KDM5A: variants seen among roughly 807,000 people sequenced by gnomAD.
KDM5A encodes lysine demethylase 5A.
In KDM5A, 42 loss-of-function variants were observed where a neutral mutation model predicts 193.5. The observed-to-expected ratio is 0.22, with a 90% CI of 0.17 to 0.28. KDM5A has a LOEUF of 0.28. KDM5A is among the 10% of genes least tolerant of loss of function. The pLI is 1.00. For missense variants in KDM5A, 1,692 were observed against 2,055.1 expected (o/e 0.82, Z 3.42); for synonymous variants, 796 against 718.1 (o/e 1.11, Z -1.73).
chr12:311,815 C>T (rs1165466924), intron 20 of KDM5A, among the ~76,000 whole-genome samples: 5 of 152,274 alleles, frequency 3.3e-5, no homozygotes, highest in Non-Finnish European at 5.9e-5. Flanking sequence ...AGGCGGATCA[C>T]CTGAGGTGAG....
At chr12:327,613 G>A (rs1480151102) in intron 14 of KDM5A, among the ~76,000 whole-genome samples, 2 of 152,188 alleles carry the variant, frequency 1.3e-5, no homozygotes, top group Non-Finnish European at 2.9e-5. Context: ...GTAGGCTAAG[G>A]CAGGAGAATC....
chr12:353,703 A>T (rs549260446), intron 8 of KDM5A, among the ~76,000 whole-genome samples: 97 of 152,268 alleles, frequency 6.4e-4, no homozygotes, highest in Non-Finnish European at 5.6e-4. Flanking sequence ...CAGGCAGATT[A>T]CGAGGTCAAG....
At chr12:349,616 C>G (rs1400876491) in intron 10 of KDM5A, among the ~76,000 whole-genome samples, 1 of 151,992 alleles carries the variant, frequency 6.6e-6, no homozygotes, top group Admixed American at 6.5e-5. Context: ...GCGTGAGCCA[C>G]CACGCCCATC....
chr12:386,035 A>T (rs1944633954), intron 1 of KDM5A, 61 bp from the exon 2 acceptor site: 1 of 1,328,776 alleles, frequency 7.5e-7, no homozygotes, highest in East Asian at 2.3e-5. Flanking sequence ...TGCATTAATT[A>T]TTCCCTTAAA....
At position 280,835 on chromosome 12, in the gene KDM5A, C is replaced by A. The variant is rs1290878320; in HGVS notation, c.*4621G>T. 1.3e-5 allele frequency: 3 copies of A among 232,802 alleles called. No homozygotes were observed. The East Asian group carries it at 1.8e-4, about 14-fold the overall frequency. 14.4% of individuals were successfully genotyped at this position (232,802 alleles called of 1,614,324 possible). On this transcript the variant is annotated 3_prime_UTR_variant, in exon 28 of 28. Transcript: ENST00000399788. ...AAATCTTCAGGAATCACTTCACACT[C>A]CAAAAACACTATTCTCAGCAATGAT...
At chr12:376,011 A>T (rs1944499078) in intron 3 of KDM5A, among the ~76,000 whole-genome samples, 1 of 152,204 alleles carries the variant, frequency 6.6e-6, no homozygotes, top group Non-Finnish European at 1.5e-5. Flanking sequence ...CCTCCCAGTT[A>T]GGCTACTTGG....
chr12:318,435 A>G lies in KDM5A; in HGVS notation c.2568T>C (p.Phe856=). The G allele has an allele frequency of 6.8e-6, 11 of 1,613,740 alleles. No individual in the cohort carries two copies. The highest frequency in any genetic ancestry group is 6.6e-5 in the South Asian group (6 of 91,068). Residue 856 remains phenylalanine (F), a synonymous_variant, in exon 19 of 28, where the codon TTT becomes TTC. Transcript: ENST00000399788. ...TCATGGCCTCCTGAGCACGTTCATG[A>G]AACTCTTCCACATCATCTAGCAGAT... is the stretch of plus-strand genomic sequence containing the variant. The part of the protein sequence containing the change: ...VKNLLDDVEE[F]HERAQEAMMD...
At chr12:373,340 A>G (rs1172482536) in intron 3 of KDM5A, among the ~76,000 whole-genome samples, 2 of 152,124 alleles carry the variant, frequency 1.3e-5, no homozygotes, top group Non-Finnish European at 2.9e-5. Context: ...TGTCTCCAGG[A>G]ATTTATCCAT....
intron 2 of KDM5A, 122 bp from the exon 3 acceptor site, chr12:384,275 C>T: frequency 2.6e-6 from 2 of 767,800 alleles, no homozygotes; most frequent in East Asian, 2.6e-5. Flanking sequence ...AGGAACCCAG[C>T]CACACAGCAG....
intron 3 of KDM5A, among the ~76,000 whole-genome samples, chr12:376,625 T>C (rs7977462): frequency 0.77 from 117,836 of 152,154 alleles, 45,757 homozygotes; most frequent in East Asian, 0.84. Context: ...GAGATGAACC[T>C]GGTACCTCAG....
intron 27 of KDM5A, among the ~76,000 whole-genome samples, chr12:289,739 A>C (rs1354918578): frequency 6.9e-6 from 1 of 144,758 alleles, no homozygotes; most frequent in East Asian, 2.0e-4. Context: ...AAAAAAATTT[A>C]ATCTGCATAT....
At chr12:326,583 C>T (rs1247212974) in intron 14 of KDM5A, among the ~76,000 whole-genome samples, 5 of 152,270 alleles carry the variant, frequency 3.3e-5, no homozygotes, top group East Asian at 3.9e-4. Context: ...GGATTTTGGC[C>T]GGGCACGGCG....
intron 10 of KDM5A, among the ~76,000 whole-genome samples, chr12:335,412 A>G (rs1397918541): frequency 6.6e-6 from 1 of 152,194 alleles, no homozygotes; most frequent in Non-Finnish European, 1.5e-5. Flanking sequence ...TTTTTCACTT[A>G]CATTTTTGCA....
chr12:310,044 T>A, intron 21 of KDM5A, 80 bp from the exon 22 acceptor site: 1 of 1,469,000 alleles, frequency 6.8e-7, no homozygotes, highest in Non-Finnish European at 9.4e-7. Flanking sequence ...AACCATTTGT[T>A]GACTGTTCAA....
chr12:295,405 G>A (rs1943357914), intron 26 of KDM5A, among the ~76,000 whole-genome samples, 168 bp downstream of exon 26: 3 of 152,072 alleles, frequency 2.0e-5, no homozygotes, highest in African/African-American at 4.8e-5. Context: ...GAGGCAGGGA[G>A]GCAGGCAAGC....
chr12:364,452 G>C (rs972748297), intron 4 of KDM5A, among the ~76,000 whole-genome samples: 4 of 150,742 alleles, frequency 2.7e-5, no homozygotes, highest in Admixed American at 1.3e-4. Context: ...ACTCCAGCCT[G>C]GGCGACACAG....
intron 5 of KDM5A, among the ~76,000 whole-genome samples, chr12:358,116 TAAGTTCTAATACTTGA>T (rs1390896963): frequency 4.9e-4 from 74 of 152,340 alleles, no homozygotes; most frequent in Admixed American, 1.9e-3. Flanking sequence ...GTTTAATGTT[TAAGTTCTAATACTTGA>T]AAGTGAGAGC....
At chr12:310,571 C>G (rs996042080) in intron 21 of KDM5A, among the ~76,000 whole-genome samples, 11 of 152,118 alleles carry the variant, frequency 7.2e-5, no homozygotes, top group Admixed American at 5.9e-4. Context: ...GAGGCGACAG[C>G]TGCAGTGGGC....
intron 10 of KDM5A, among the ~76,000 whole-genome samples, chr12:349,492 G>C (rs1447651727): frequency 6.6e-6 from 1 of 150,896 alleles, no homozygotes; most frequent in Non-Finnish European, 1.5e-5. Flanking sequence ...ACCATACTCG[G>C]CTAATTTTTG....
Sources: gnomAD v4.1 joint callset for allele counts (sites outside exome capture counted in the v4.1 genomes callset) on GRCh38, gnomAD v4.1.1 for gene constraint, MANE v1.5 for transcripts, NCBI Gene and HGNC (gene_info 2026-07-23, HGNC 2026-07-21) for gene names.